LIM2: variants seen among roughly 807,000 people sequenced by gnomAD.
The protein encoded by LIM2 is lens intrinsic membrane protein 2.
Under a neutral mutation model 19.0 loss-of-function variants are expected in LIM2, and 14 were observed. The ratio of observed to expected loss-of-function variants is 0.74; its 90% CI spans 0.49 to 1.15. The LOEUF is 1.15. Among genes scored for constraint, LIM2 ranks in the 50% most tolerant of loss-of-function variants. The pLI is 0.00. For missense variants in LIM2, 230 were observed against 243.5 expected (o/e 0.94, Z 0.37); for synonymous variants, 78 against 89.6 (o/e 0.87, Z 0.73).
chr19:51,382,003 C>CTTT (rs1986905317), intron 3 of LIM2, among the ~76,000 whole-genome samples: 1 of 152,310 alleles, frequency 6.6e-6, no homozygotes, highest in South Asian at 2.1e-4. Context: ...GCTGGAATTA[C>CTTT]GGGCGTGAGC....
At position 51,380,315 on chromosome 19, in the gene LIM2, T is replaced by A. The variant is rs1352527377; in HGVS notation, c.461-53A>T. On this transcript the variant is annotated intron_variant, in intron 4 of 4. Transcript: ENST00000596399. Reference sequence around the variant, plus strand: ...CCCTCAAACCTCCCCCAGCTCCATTTCCACCCCAAGAGAGCCCAACACCCT... The same window carrying A: ...CCCTCAAACCTCCCCCAGCTCCATTACCACCCCAAGAGAGCCCAACACCCT... 2.5e-6 allele frequency: 4 copies of A among 1,603,264 alleles called. No homozygotes were observed. In the East Asian group the frequency reaches 8.9e-5, roughly 36 times the overall value.
chr19:51,384,375 G>T (rs1382977539), intron 2 of LIM2, among the ~76,000 whole-genome samples: 1 of 152,178 alleles, frequency 6.6e-6, no homozygotes, highest in Non-Finnish European at 1.5e-5. Context: ...AGGTTGCAGT[G>T]AGCCAAGATC....
Position 51,380,525 on chromosome 19 carries a change from A to AGGTG in LIM2, c.439_440insCACC (p.Val147AlafsTer20). On this transcript the variant is annotated frameshift_variant, in exon 4 of 5. Coordinates refer to ENST00000596399, the MANE Select transcript of LIM2 (RefSeq NM_001161748.2). LOFTEE classifies it high-confidence loss of function. ...AGTACCTGCGAAGAACGTCATGAGC[A>AGGTG]CTGCCACCCAGCCCAGGATGTAGGA... 1 of 1,614,194 alleles carries AGGTG rather than the reference A, an allele frequency of 6.2e-7. No individual in the cohort carries two copies. Among genetic ancestry groups the AGGTG allele is most frequent in the South Asian group, 1.1e-5 (1 of 91,088 alleles).
At chr19:51,387,248 G>C in intron 2 of LIM2, 21 bp downstream of exon 2, 1 of 1,614,202 alleles carries the variant, frequency 6.2e-7, no homozygotes, top group Non-Finnish European at 8.5e-7. Context: ...GCGCGGCCTG[G>C]ACCCTGGCCG....
intron 2 of LIM2, among the ~76,000 whole-genome samples, chr19:51,383,592 G>GAAAGATATTATGTCCTTATATTAT (rs1986958977): frequency 6.6e-6 from 1 of 152,158 alleles, no homozygotes; most frequent in South Asian, 2.1e-4. Context: ...TGGCCCCTCA[G>GAAAGATATTATGTCCTTATATTAT]GAAAGATAAT....
At chr19:51,385,500 T>A (rs966222859) in intron 2 of LIM2, among the ~76,000 whole-genome samples, 2 of 151,964 alleles carry the variant, frequency 1.3e-5, no homozygotes, top group East Asian at 3.9e-4. Flanking sequence ...CTGGCAGGGG[T>A]GACAGAGCGA....
At chr19:51,381,922 G>T (rs1986902985) in intron 3 of LIM2, among the ~76,000 whole-genome samples, 1 of 152,198 alleles carries the variant, frequency 6.6e-6, no homozygotes, top group Non-Finnish European at 1.5e-5. Context: ...TAGAGATGGG[G>T]TTTCGCCATG....
Position 51,380,070 on chromosome 19 carries a change from C to T in LIM2, c.*131G>A, listed in dbSNP as rs79550290. 302 of 858,670 alleles carry T rather than the reference C, an allele frequency of 3.5e-4. 1 individual carries two copies. The African/African-American group carries it at 4.2e-3, about 12-fold the overall frequency. 53.2% of individuals were successfully genotyped at this position (858,670 alleles called of 1,614,324 possible). ...CTAGGACCAGGAGTCAGCCTCCCCC[C>T]ACAAACCCACAGTCCAGAACTGAGC... On this transcript the variant is annotated 3_prime_UTR_variant, in exon 5 of 5. Coordinates refer to ENST00000596399, the MANE Select transcript of LIM2 (RefSeq NM_001161748.2).
intron 2 of LIM2, 136 bp downstream of exon 2, chr19:51,387,133 G>A: frequency 1.3e-6 from 2 of 1,538,264 alleles, no homozygotes; most frequent in South Asian, 1.1e-5. Flanking sequence ...CCCCCTCCAT[G>A]CTGAGTGACC....
intron 2 of LIM2, among the ~76,000 whole-genome samples, chr19:51,382,871 G>A (rs979701511): frequency 5.9e-5 from 9 of 151,866 alleles, no homozygotes; most frequent in East Asian, 5.8e-4. Flanking sequence ...GAAGACAGGC[G>A]GTGGGTTGGT....
chr19:51,383,668 G>A (rs7250000), intron 2 of LIM2, among the ~76,000 whole-genome samples: 56,041 of 152,104 alleles, frequency 0.37, 14,089 homozygotes, highest in African/African-American at 0.72. Flanking sequence ...GTGTGATGTT[G>A]TTTATTCCTC....
In LIM2 at chr19:51,380,759, G is replaced by T. The variant is rs74415796; in HGVS notation, c.326-120C>A. 6.2e-3 allele frequency: 7,332 copies of T among 1,187,154 alleles called. 45 individuals carry two copies. The highest frequency in any genetic ancestry group is 7.8e-3 in the Non-Finnish European group (6,371 of 820,018). The allele number at this position is 1,187,154 out of a possible 1,614,324, so 73.5% of individuals were successfully genotyped here. ...TTGGGGAAAGGGGTGGAAATGGGTT[G>T]GGGGTGGGGATAGGAGTGAGGATAG... On this transcript the variant is annotated intron_variant, in intron 3 of 4. Transcript: ENST00000596399.
At chr19:51,382,226 C>G (rs918277288) in intron 3 of LIM2, among the ~76,000 whole-genome samples, 192 bp downstream of exon 3, 4 of 151,950 alleles carry the variant, frequency 2.6e-5, no homozygotes, top group Non-Finnish European at 5.9e-5. Context: ...CTGTAGTACA[C>G]CAGCTAGTGT....
chr19:51,380,639 G>A lies in LIM2; in HGVS notation c.326C>T (p.Thr109Ile). The A allele has an allele frequency of 1.2e-6, 2 of 1,613,550 alleles. No homozygotes were observed. Among genetic ancestry groups the A allele is most frequent in the Non-Finnish European group, 1.7e-6 (2 of 1,179,866 alleles). Residue 109 changes from threonine (T) to isoleucine (I), a missense_variant and splice_region_variant, in exon 4 of 5, where the codon ACC becomes ATC. Physicochemically the swap from Thr to Ile is moderately conservative, Grantham distance 89. Transcript: ENST00000596399. Reference protein sequence around the residue: ...FSAGIMFFSSTLFVVLALAIY... With the variant: ...FSAGIMFFSSILFVVLALAIY... ...GGCCAAGGCCAACACGACGAAAAGG[G>A]CTGGGGAGAGAGGGCGGGAGGATGC...
chr19:51,382,681 C>T (rs1568480922), intron 2 of LIM2, 114 bp from the exon 3 acceptor site: 1 of 1,408,748 alleles, frequency 7.1e-7, no homozygotes, highest in Non-Finnish European at 9.9e-7. Context: ...CCAGCTCATC[C>T]TTCCCTTCTT....
intron 3 of LIM2, among the ~76,000 whole-genome samples, chr19:51,381,024 A>C (rs1986880698): frequency 6.6e-6 from 1 of 152,106 alleles, no homozygotes; most frequent in South Asian, 2.1e-4. Flanking sequence ...CAGAAAAACC[A>C]ACCAGGTCAG....
rs140002576 is a variant in LIM2, at chr19:51,382,554, G to A, written c.189C>T (p.Ala63=). The change falls in exon 3 of 5, where the codon GCC becomes GCT. Residue 63 remains alanine, a synonymous_variant. Coordinates refer to ENST00000596399, the MANE Select transcript of LIM2 (RefSeq NM_001161748.2). ...LQTDSIAYWN[A]TRAFMILSAL... is the part of the protein sequence containing the mutation. ...CAGACAGGATCATGAAGGCCCGGGT[G>A]GCATTCCAGTATGCTGTGGGAGCAC... is the stretch of plus-strand genomic sequence containing the variant. The A allele has an allele frequency of 3.1e-6, 5 of 1,613,486 alleles. No homozygotes were observed. The African/African-American group carries it at 6.7e-5, about 22-fold the overall frequency.
chr19:51,386,853 A>C (rs1289637685), intron 2 of LIM2, among the ~76,000 whole-genome samples: 2 of 152,176 alleles, frequency 1.3e-5, no homozygotes, highest in East Asian at 3.9e-4. Flanking sequence ...ATCTCTATGT[A>C]TCTCTCTATC....
In LIM2 at chr19:51,384,104, G is replaced by A. The variant is rs188051192; in HGVS notation, c.176-1537C>T. Among the ~76,000 whole-genome samples, 24 of 152,218 alleles carry A rather than the reference G, an allele frequency of 1.6e-4. No individual in the cohort carries two copies. In the East Asian group the frequency reaches 4.4e-3, roughly 28 times the overall value. The stretch of plus-strand genomic sequence containing the variant: ...CTTTGCAAATATAATTAGTTAAGAC[G>A]AGATCATGCTAGAGTAGGGTGGGGC... On this transcript the variant is annotated intron_variant, in intron 2 of 4. Coordinates refer to ENST00000596399, the MANE Select transcript of LIM2 (RefSeq NM_001161748.2).
Sources: gnomAD v4.1 joint callset for allele counts (sites outside exome capture counted in the v4.1 genomes callset) on GRCh38, gnomAD v4.1.1 for gene constraint, MANE v1.5 for transcripts, NCBI Gene and HGNC (gene_info 2026-07-23, HGNC 2026-07-21) for gene names.